The following TTC29 variants were observed in gnomAD, a reference collection of about 807,000 sequenced individuals.
TTC29 encodes the protein tetratricopeptide repeat domain 29.
In TTC29, 49 loss-of-function variants were observed where a neutral mutation model predicts 58.1. That is an observed-to-expected ratio of 0.84 (90% CI 0.67 to 1.07). The LOEUF is 1.07. Ranked by LOEUF, TTC29 falls within the 50% of genes least tolerant of loss-of-function variation. The pLI is 0.00. For synonymous variants in TTC29, 209 were observed against 196.8 expected (o/e 1.06, Z -0.52); for missense variants, 582 against 555.6 (o/e 1.05, Z -0.48).
intron 11 of TTC29, among the ~76,000 whole-genome samples, chr4:146,784,396 T>C (rs1748851828): frequency 6.6e-6 from 1 of 152,126 alleles, no homozygotes; most frequent in Non-Finnish European, 1.5e-5. Context: ...CCCTGTCACC[T>C]ACTCCTTGTG....
At chr4:146,836,023 T>C (rs1509339) in intron 8 of TTC29, among the ~76,000 whole-genome samples, 106,448 of 152,032 alleles carry the variant, frequency 0.7, 38,404 homozygotes, top group African/African-American at 0.88. Context: ...AGAATAAGAA[T>C]ACTTGGATTC....
At position 146,715,852 on chromosome 4, in the gene TTC29, A is replaced by T. The variant is rs74873715; in HGVS notation, c.1331-8301T>A. On this transcript the variant is annotated intron_variant, in intron 11 of 12. Transcript: ENST00000325106. ...CTGATTTGATCATTACACATTGTAA[A>T]CACGTATCAAAATATCATCCTGTAT... 5.5e-3 allele frequency among the ~76,000 whole-genome samples: 836 copies of T among 152,338 alleles called. 62 individuals carry two copies. In the East Asian group the frequency reaches 0.13, roughly 24 times the overall value.
At chr4:146,827,119 T>A (rs1727861892) in intron 9 of TTC29, among the ~76,000 whole-genome samples, 1 of 152,136 alleles carries the variant, frequency 6.6e-6, no homozygotes, top group South Asian at 2.1e-4. Flanking sequence ...ATCCATTTGA[T>A]CCTTCATCCA....
intron 10 of TTC29, among the ~76,000 whole-genome samples, chr4:146,813,867 C>T (rs1030512131): frequency 6.6e-6 from 1 of 152,090 alleles, no homozygotes. Flanking sequence ...GCCTGTAATC[C>T]CAGCTACTTG....
chr4:146,764,064 T>C (rs780464876), intron 11 of TTC29: 1 of 152,072 alleles, frequency 6.6e-6, no homozygotes, highest in Non-Finnish European at 1.5e-5. Flanking sequence ...GTGCACAACA[T>C]GGAGGATATA....
intron 11 of TTC29, among the ~76,000 whole-genome samples, chr4:146,722,167 A>G (rs1743409677): frequency 6.6e-6 from 1 of 152,196 alleles, no homozygotes; most frequent in Non-Finnish European, 1.5e-5. Flanking sequence ...GAAACCATAG[A>G]TGACACAAAC....
chr4:146,787,313 C>T (rs1302482683), intron 11 of TTC29, among the ~76,000 whole-genome samples: 1 of 152,076 alleles, frequency 6.6e-6, no homozygotes, highest in East Asian at 1.9e-4. Context: ...ACTTAAACAT[C>T]ATGCTCAATA....
At chr4:146,801,700 G>A (rs1429867577) in intron 11 of TTC29, among the ~76,000 whole-genome samples, 2 of 152,018 alleles carry the variant, frequency 1.3e-5, no homozygotes, top group Non-Finnish European at 2.9e-5. Flanking sequence ...AAAAGAGCAA[G>A]GTGCAGTGGC....
chr4:146,805,008 C>A (rs955084093), intron 10 of TTC29, among the ~76,000 whole-genome samples: 1 of 152,158 alleles, frequency 6.6e-6, no homozygotes, highest in Non-Finnish European at 1.5e-5. Context: ...CTGGAGGGTG[C>A]CCCTCTGGGA....
chr4:146,883,006 AC>A (rs958340959), intron 6 of TTC29, among the ~76,000 whole-genome samples: 3 of 151,568 alleles, frequency 2.0e-5, no homozygotes, highest in African/African-American at 2.4e-5. Context: ...TTACTTCATC[AC>A]CCTCAGGTGT....
At chr4:146,834,631 A>T (rs1195365116) in intron 8 of TTC29, among the ~76,000 whole-genome samples, 1 of 152,194 alleles carries the variant, frequency 6.6e-6, no homozygotes, top group Non-Finnish European at 1.5e-5. Context: ...TACACACATG[A>T]GGACACAGGA....
At chr4:146,921,445 T>C (rs1734572964) in intron 4 of TTC29, among the ~76,000 whole-genome samples, 1 of 151,220 alleles carries the variant, frequency 6.6e-6, no homozygotes, top group South Asian at 2.1e-4. Context: ...AATAGATTAG[T>C]AGGCGGAGAA....
rs1309429847 is a variant in TTC29 at position 146,915,730 on chromosome 4, G to A, written c.177-6481C>T. Among the ~76,000 whole-genome samples the A allele has an allele frequency of 3.3e-5, 5 of 151,502 alleles. No individual in the cohort carries two copies. In the Admixed American group the frequency reaches 3.3e-4, roughly 10 times the overall value. On this transcript the variant is annotated intron_variant, in intron 4 of 12. Coordinates refer to ENST00000325106, the MANE Select transcript of TTC29 (RefSeq NM_031956.4). Reference sequence around the variant, plus strand: ...ATTAGGTGAATTTTTAAAATCAAAGGCATTATTGTATATTCAATTATATGA... The same window carrying A: ...ATTAGGTGAATTTTTAAAATCAAAGACATTATTGTATATTCAATTATATGA...
chr4:146,789,805 C>G (rs540924924), intron 11 of TTC29, among the ~76,000 whole-genome samples: 1 of 150,700 alleles, frequency 6.6e-6, no homozygotes, highest in East Asian at 1.9e-4. Context: ...AAAAAAAAAG[C>G]CCACTGCTTT....
chr4:146,787,384 G>C (rs570593659), intron 11 of TTC29, among the ~76,000 whole-genome samples: 1 of 152,078 alleles, frequency 6.6e-6, no homozygotes, highest in Non-Finnish European at 1.5e-5. Flanking sequence ...CTTAAAAATT[G>C]TATGCGTGTG....
chr4:146,714,071 C>CA (rs1400870916), intron 11 of TTC29, among the ~76,000 whole-genome samples: 1 of 152,020 alleles, frequency 6.6e-6, no homozygotes, highest in African/African-American at 2.4e-5. Context: ...CCTCCCTACC[C>CA]AAAAAATCCT....
chr4:146,840,624 A>G (rs538531063), intron 8 of TTC29, among the ~76,000 whole-genome samples: 14 of 152,268 alleles, frequency 9.2e-5, no homozygotes, highest in African/African-American at 3.1e-4. Flanking sequence ...ACAGCAGCCA[A>G]TAATACAAAA....
At chr4:146,765,406 G>A (rs941456487) in intron 11 of TTC29, among the ~76,000 whole-genome samples, 3 of 152,050 alleles carry the variant, frequency 2.0e-5, no homozygotes, top group East Asian at 1.9e-4. Context: ...TTGACTAACC[G>A]GGTTTTAATT....
chr4:146,737,257 G>C (rs186218858), intron 11 of TTC29, among the ~76,000 whole-genome samples: 4 of 152,030 alleles, frequency 2.6e-5, no homozygotes, highest in Non-Finnish European at 5.9e-5. Context: ...ATGGAGATTG[G>C]GGGATGCATT....
Sources: gnomAD v4.1 joint callset for allele counts (sites outside exome capture counted in the v4.1 genomes callset) on GRCh38, gnomAD v4.1.1 for gene constraint, MANE v1.5 for transcripts, NCBI Gene and HGNC (gene_info 2026-07-23, HGNC 2026-07-21) for gene names.